Variants in ST8SIA6 observed in about 807,000 individuals in gnomAD.
ST8SIA6 encodes the protein ST8 alpha-N-acetyl-neuraminide alpha-2,8-sialyltransferase 6, also known as alpha-2,8-sialyltransferase 8F.
A neutral mutation model predicts 33.6 loss-of-function variants in ST8SIA6; 39 were observed. The ratio of observed to expected loss-of-function variants is 1.16; its 90% CI spans 0.90 to 1.52. The LOEUF is 1.52. ST8SIA6 is among the 40% of genes most tolerant of loss of function. ST8SIA6 has a pLI of 0.00. For missense variants in ST8SIA6, 441 were observed against 443.8 expected (o/e 0.99, Z 0.06); for synonymous variants, 172 against 167.2 (o/e 1.03, Z -0.22).
intron 3 of ST8SIA6, among the ~76,000 whole-genome samples, chr10:17,382,105 G>A (rs389296): frequency 0.28 from 42,613 of 151,770 alleles, 6,712 homozygotes; most frequent in East Asian, 0.64. Context: ...AATAATCTAG[G>A]TAAACTATTA....
At chr10:17,348,226 T>G (rs1394232054) in intron 4 of ST8SIA6, among the ~76,000 whole-genome samples, 1 of 102,374 alleles carries the variant, frequency 9.8e-6, no homozygotes, top group Admixed American at 1.0e-4. Context: ...GGAACCTTTT[T>G]TTTTTTTTTT....
rs200826980 is a variant in ST8SIA6, at chr10:17,368,407, C to CAAAAAAAAAAAAAAAAAAAA, written c.291-8827_291-8808dup. ...GGGCAACAAGAGTGAAGCTCTGTCT[C>CAAAAAAAAAAAAAAAAAAAA]AAAAAAAAAAAAAAAAAAAAAAAAA... is the stretch of plus-strand genomic sequence containing the variant. On this transcript the variant is annotated intron_variant, in intron 3 of 7. Coordinates refer to ENST00000377602, the MANE Select transcript of ST8SIA6 (RefSeq NM_001004470.3). Among the ~76,000 whole-genome samples, 20 of 72,194 alleles carry CAAAAAAAAAAAAAAAAAAAA rather than the reference C, an allele frequency of 2.8e-4. 3 individuals carry two copies. Among genetic ancestry groups the CAAAAAAAAAAAAAAAAAAAA allele is most frequent in the Non-Finnish European group, 5.0e-4 (17 of 33,948 alleles). The allele number at this position is 72,194 out of a possible 152,430, so 47.4% of individuals were successfully genotyped here.
At position 17,346,155 on chromosome 10, in the gene ST8SIA6, G is replaced by A. The variant is rs571280000; in HGVS notation, c.377+13359C>T. On this transcript the variant is annotated intron_variant, in intron 4 of 7. Coordinates refer to ENST00000377602, the MANE Select transcript of ST8SIA6 (RefSeq NM_001004470.3). ...CAAGAAGCTCAAGTCACATATGGAGGTTCCTTTGAAGATCCTTTAGGTGGC... is the reference window on the plus strand; with the variant it reads ...CAAGAAGCTCAAGTCACATATGGAGATTCCTTTGAAGATCCTTTAGGTGGC... Among the ~76,000 whole-genome samples the A allele has an allele frequency of 2.0e-5, 3 of 152,312 alleles. No individual in the cohort carries two copies. The South Asian group carries it at 6.2e-4, about 32-fold the overall frequency.
At chr10:17,341,915 A>AAAC (rs1310833096) in intron 4 of ST8SIA6, among the ~76,000 whole-genome samples, 18 of 150,910 alleles carry the variant, frequency 1.2e-4, no homozygotes, top group South Asian at 8.3e-4. Context: ...AAAAAAAAAA[A>AAAC]AAAAAACAAA....
At chr10:17,376,814 G>T (rs998555902) in intron 3 of ST8SIA6, among the ~76,000 whole-genome samples, 1 of 152,096 alleles carries the variant, frequency 6.6e-6, no homozygotes, top group Non-Finnish European at 1.5e-5. Context: ...GAAAGGCAGA[G>T]AAATATTCAA....
intron 3 of ST8SIA6, among the ~76,000 whole-genome samples, chr10:17,364,034 T>A (rs1163593861): frequency 6.6e-6 from 1 of 151,642 alleles, no homozygotes; most frequent in African/African-American, 2.4e-5. Flanking sequence ...CCTTAGCAAA[T>A]TAAAGATTAC....
chr10:17,323,251 C>A (rs773542650), intron 6 of ST8SIA6, 94 bp from the exon 7 acceptor site: 4 of 491,174 alleles, frequency 8.1e-6, no homozygotes, highest in Non-Finnish European at 1.0e-5. Context: ...ACACACACAC[C>A]TATCTATAAT....
At position 17,454,294 on chromosome 10, in the gene ST8SIA6, G is replaced by A; in HGVS notation, c.-39C>T. The stretch of plus-strand genomic sequence containing the variant: ...CGCCGCCGCCACCGCTGCTGCCGGG[G>A]CGAAGCACAGCCCGGGCGGCCCCGA... On this transcript the variant is annotated 5_prime_UTR_variant, in exon 1 of 8. Transcript: ENST00000377602. The surrounding 1 kb of genome is among the most constrained non-coding windows in gnomAD (Gnocchi z 4.1). The A allele has an allele frequency of 5.3e-6, 1 of 189,824 alleles. No individual in the cohort carries two copies. The highest frequency in any genetic ancestry group is 1.1e-5 in the Non-Finnish European group (1 of 94,662). The allele number at this position is 189,824 out of a possible 1,614,324, so 11.8% of individuals were successfully genotyped here. A position where few individuals can be genotyped will look rare whatever the true frequency, so the allele number is the denominator to read the frequency against.
intron 2 of ST8SIA6, among the ~76,000 whole-genome samples, chr10:17,431,454 AGG>A (rs45551632): frequency 1.4e-3 from 212 of 151,968 alleles, no homozygotes; most frequent in African/African-American, 4.5e-3. Flanking sequence ...TTTCGTTTTA[AGG>A]GGGGGGAAAG....
rs1470378 is a variant in ST8SIA6, at chr10:17,318,611, T to A, written c.*2267A>T. 4 of 461,140 alleles carry A rather than the reference T, an allele frequency of 8.7e-6. No individual in the cohort carries two copies. The highest frequency in any genetic ancestry group is 1.8e-5 in the Non-Finnish European group (4 of 223,884). The allele number at this position is 461,140 out of a possible 1,614,324, so 28.6% of individuals were successfully genotyped here. A position where few individuals can be genotyped will look rare whatever the true frequency, so the allele number is the denominator to read the frequency against. On this transcript the variant is annotated 3_prime_UTR_variant, in exon 8 of 8. Transcript: ENST00000377602. ...TTTAAGAGCAGAAGATCACATTAGATCTAACAATATTTAAGCAATGCTGAT... is the reference window on the plus strand; with the variant it reads ...TTTAAGAGCAGAAGATCACATTAGAACTAACAATATTTAAGCAATGCTGAT...
At chr10:17,376,729 G>A (rs1436821741) in intron 3 of ST8SIA6, among the ~76,000 whole-genome samples, 2 of 152,114 alleles carry the variant, frequency 1.3e-5, no homozygotes, top group African/African-American at 2.4e-5. Flanking sequence ...GCAGTGATAA[G>A]ATGGCTATAA....
intron 2 of ST8SIA6, among the ~76,000 whole-genome samples, chr10:17,432,073 C>G (rs1024184044): frequency 1.3e-5 from 2 of 152,158 alleles, no homozygotes; most frequent in African/African-American, 4.8e-5. Context: ...ATGAAAGACC[C>G]TTAGTCCAGG....
Position 17,454,592 on chromosome 10 carries a change from T to TGCTGCC in ST8SIA6, c.-338_-337insGGCAGC, listed in dbSNP as rs1230054328. Among the ~76,000 whole-genome samples the TGCTGCC allele has an allele frequency of 1.3e-5, 2 of 151,660 alleles. No homozygotes were observed. Among genetic ancestry groups the TGCTGCC allele is most frequent in the Non-Finnish European group, 2.9e-5 (2 of 67,846 alleles). On this transcript the variant is annotated 5_prime_UTR_variant, in exon 1 of 8. Transcript: ENST00000377602. This position sits in a 1 kb window ranked among gnomAD's most constrained non-coding sequence, Gnocchi z 4.1. ...GGGCTCCGGTCGCCGCTGCCACTGC[T>TGCTGCC]GCTGCCGCCGCCGCCGCGCGGGGTC...
chr10:17,374,071 C>CCCCA (rs1554792613), intron 3 of ST8SIA6, among the ~76,000 whole-genome samples: 4 of 139,016 alleles, frequency 2.9e-5, no homozygotes, highest in Non-Finnish European at 1.6e-5. Flanking sequence ...TCAACAACCA[C>CCCCA]CACACACACA....
In ST8SIA6 at chr10:17,315,996, T is replaced by C. The variant is rs993811570; in HGVS notation, c.*4882A>G. Among the ~76,000 whole-genome samples, 5 of 152,086 alleles carry C rather than the reference T, an allele frequency of 3.3e-5. No homozygotes were observed. Among genetic ancestry groups the C allele is most frequent in the Admixed American group, 2.0e-4 (3 of 15,260 alleles). ...GTTGAATACTAGCTCTGCTCTTATA[T>C]ATAATGCAACCTTATATAAGTTACT... On this transcript the variant is annotated 3_prime_UTR_variant, in exon 8 of 8. Coordinates refer to ENST00000377602, the MANE Select transcript of ST8SIA6 (RefSeq NM_001004470.3).
At chr10:17,342,772 G>A (rs359313) in intron 4 of ST8SIA6, among the ~76,000 whole-genome samples, 82,805 of 151,694 alleles carry the variant, frequency 0.55, 23,000 homozygotes, top group African/African-American at 0.64. Flanking sequence ...AACATGGTGA[G>A]ACCCCCTCTC....
chr10:17,424,663 C>T (rs1454677514), intron 2 of ST8SIA6, among the ~76,000 whole-genome samples: 1 of 152,126 alleles, frequency 6.6e-6, no homozygotes, highest in Non-Finnish European at 1.5e-5. Context: ...CATTATCTCC[C>T]TGTTTTACTT....
At chr10:17,346,020 G>T (rs1333996981) in intron 4 of ST8SIA6, among the ~76,000 whole-genome samples, 2 of 152,196 alleles carry the variant, frequency 1.3e-5, no homozygotes, top group Non-Finnish European at 2.9e-5. Context: ...CCAATGCGAG[G>T]TCATAGAAAG....
intron 2 of ST8SIA6, among the ~76,000 whole-genome samples, chr10:17,392,049 T>C (rs1422491907): frequency 6.6e-6 from 1 of 152,222 alleles, no homozygotes; most frequent in Non-Finnish European, 1.5e-5. Flanking sequence ...CCTGAAGGTA[T>C]TCGTTGATAG....
Sources: gnomAD v4.1 joint callset for allele counts (sites outside exome capture counted in the v4.1 genomes callset) on GRCh38, gnomAD v4.1.1 for gene constraint, Gnocchi (gnomAD v3.1) non-coding constraint, MANE v1.5 for transcripts, NCBI Gene and HGNC (gene_info 2026-07-23, HGNC 2026-07-21) for gene names.